NHSL2: variants seen among roughly 807,000 people sequenced by gnomAD.
NHSL2 encodes the protein NHS-like protein 2.
NHSL2 carries 27 observed loss-of-function variants against 53.4 expected under a neutral mutation model. The ratio of observed to expected loss-of-function variants is 0.51; its 90% CI spans 0.37 to 0.70. The LOEUF (loss-of-function observed/expected upper bound fraction) is 0.70. Ranked by LOEUF, NHSL2 falls within the 30% of genes least tolerant of loss-of-function variation. NHSL2 has a pLI of 0.00. For missense variants in NHSL2, 892 were observed against 980.1 expected (o/e 0.91, Z 1.20); for synonymous variants, 408 against 404.1 (o/e 1.01, Z -0.12).
chrX:72,087,971 G>A (rs1412266277), intron 1 of NHSL2, among the ~76,000 whole-genome samples: 1 of 100,554 alleles, frequency 9.9e-6, no homozygotes, highest in Non-Finnish European at 2.2e-5. Flanking sequence ...TTGGGAGGCC[G>A]AGGCGGGCTG....
At position 71,978,483 on chromosome X, in the gene NHSL2, C is replaced by T. The variant is rs1019817108; in HGVS notation, c.280+67116C>T. Among the ~76,000 whole-genome samples, 9 of 112,265 alleles carry T rather than the reference C, an allele frequency of 8.0e-5. No homozygotes were observed. The Admixed American group carries it at 8.5e-4, about 11-fold the overall frequency. On this transcript the variant is annotated intron_variant, in intron 1 of 7. Transcript: ENST00000633930. ...CCCAAAAAGCCACTCGCTATAGGTC[C>T]TTAACCTCATTCTGCATAGGACTAG...
chrX:72,074,220 A>G (rs1463433146), intron 1 of NHSL2, among the ~76,000 whole-genome samples: 2 of 112,448 alleles, frequency 1.8e-5, no homozygotes, highest in Non-Finnish European at 3.8e-5. Context: ...CTGTACCTAA[A>G]CAAAATGAGG....
At chrX:71,960,616 C>G (rs2147848740) in intron 1 of NHSL2, among the ~76,000 whole-genome samples, 1 of 112,448 alleles carries the variant, frequency 8.9e-6, no homozygotes, top group Admixed American at 9.4e-5. Flanking sequence ...GTTGTCCCAG[C>G]ACCATTTGTT....
At chrX:72,063,772 A>G (rs755318599) in intron 1 of NHSL2, among the ~76,000 whole-genome samples, 1 of 111,048 alleles carries the variant, frequency 9.0e-6, no homozygotes, top group Middle Eastern at 4.6e-3. Flanking sequence ...ATTCCTCATC[A>G]TACTATCACC....
intron 6 of NHSL2, 106 bp from the exon 7 acceptor site, chrX:72,142,126 C>A: frequency 3.5e-6 from 2 of 571,488 alleles, no homozygotes; most frequent in Non-Finnish European, 5.4e-6. Context: ...CTCCACCCTG[C>A]TGCCCTCACA....
intron 1 of NHSL2, among the ~76,000 whole-genome samples, chrX:72,063,433 G>T (rs1327322790): frequency 8.9e-6 from 1 of 111,841 alleles, no homozygotes; most frequent in East Asian, 2.8e-4. Flanking sequence ...GTTGATGAAT[G>T]ATCACAAATT....
intron 1 of NHSL2, among the ~76,000 whole-genome samples, chrX:71,930,984 T>C (rs2041710176): frequency 8.9e-6 from 1 of 112,399 alleles, no homozygotes. Flanking sequence ...GACTGTTTTC[T>C]ACAGAGGCTG....
chrX:72,107,528 G>T (rs1421856562), intron 1 of NHSL2, among the ~76,000 whole-genome samples: 1 of 111,439 alleles, frequency 9.0e-6, no homozygotes, highest in Non-Finnish European at 1.9e-5. Context: ...GCTAAGCTGG[G>T]TGCTGAGGTT....
rs767553784 is a variant in NHSL2, at chrX:72,030,492, GTA to G, written c.281-101583_281-101582del. On this transcript the variant is annotated intron_variant, in intron 1 of 7. Transcript: ENST00000633930. ...TGTACATTTCAATGAAGTTGTATAT[GTA>G]TATGTGTGTGTGTGTGTGTGTATAC... Among the ~76,000 whole-genome samples, 437 of 110,430 alleles carry G rather than the reference GTA, an allele frequency of 4.0e-3. 2 individuals carry two copies. Among genetic ancestry groups the G allele is most frequent in the Middle Eastern group, 0.024 (5 of 212 alleles).
intron 1 of NHSL2, among the ~76,000 whole-genome samples, chrX:72,008,532 T>A (rs2042103475): frequency 8.9e-6 from 1 of 111,827 alleles, no homozygotes; most frequent in Non-Finnish European, 1.9e-5. Context: ...CTGGAGTTGT[T>A]CTGGAGTCAG....
intron 1 of NHSL2, among the ~76,000 whole-genome samples, chrX:72,042,485 C>T (rs1011176865): frequency 8.9e-6 from 1 of 111,737 alleles, no homozygotes; most frequent in East Asian, 2.8e-4. Context: ...CTCATGTCCA[C>T]TTCCTCTCTG....
At chrX:71,942,653 G>T (rs1226053111) in intron 1 of NHSL2, among the ~76,000 whole-genome samples, 1 of 112,502 alleles carries the variant, frequency 8.9e-6, no homozygotes, top group Non-Finnish European at 1.9e-5. Context: ...TTTTAGAAAA[G>T]GAAGTTTATT....
chrX:71,991,818 T>TTCTCTC (rs59851052), intron 1 of NHSL2, among the ~76,000 whole-genome samples: 1,073 of 99,813 alleles, frequency 0.011, 13 homozygotes, highest in African/African-American at 0.035. Flanking sequence ...GTCTTTCTCT[T>TTCTCTC]TCTCTCTCTC....
Position 71,959,950 on chromosome X carries a change from G to A in NHSL2, c.280+48583G>A, listed in dbSNP as rs192390342. 2.2e-4 allele frequency among the ~76,000 whole-genome samples: 25 copies of A among 111,750 alleles called. No homozygotes were observed. In the East Asian group the frequency reaches 6.7e-3, roughly 30 times the overall value. On this transcript the variant is annotated intron_variant, in intron 1 of 7. Coordinates refer to ENST00000633930, the MANE Select transcript of NHSL2 (RefSeq NM_001013627.3). ...TTTCTGGGTCATATGCTAACTCTAT[G>A]TTTAACCTTTTGAGGAACTGCCAGA...
chrX:71,987,913 C>T (rs2042010075), intron 1 of NHSL2, among the ~76,000 whole-genome samples: 1 of 112,027 alleles, frequency 8.9e-6, no homozygotes, highest in Non-Finnish European at 1.9e-5. Flanking sequence ...CTTGCAAAAG[C>T]TTTTAACTGC....
chrX:72,066,372 C>T (rs2042429527), intron 1 of NHSL2, among the ~76,000 whole-genome samples: 1 of 111,603 alleles, frequency 9.0e-6, no homozygotes, highest in Non-Finnish European at 1.9e-5. Flanking sequence ...GGTCCAAAAC[C>T]TGGCTGCACC....
intron 1 of NHSL2, among the ~76,000 whole-genome samples, chrX:71,972,031 TA>T (rs1357972514): frequency 8.9e-6 from 1 of 111,772 alleles, no homozygotes; most frequent in African/African-American, 3.3e-5. Flanking sequence ...GGAATGTCTT[TA>T]TTTTACTTTT....
chrX:72,069,528 GGA>G, intron 1 of NHSL2: 1 of 338,903 alleles, frequency 3.0e-6, no homozygotes, highest in Non-Finnish European at 4.8e-6. Context: ...AGTGGGATTT[GGA>G]AGAGCCATGT....
chrX:72,075,001 C>A (rs1169773500), intron 1 of NHSL2, among the ~76,000 whole-genome samples: 3 of 112,177 alleles, frequency 2.7e-5, no homozygotes, highest in African/African-American at 9.7e-5. Context: ...ACTGGGAAAT[C>A]ATTCTGTCAA....
Sources: gnomAD v4.1 joint callset for allele counts (sites outside exome capture counted in the v4.1 genomes callset) on GRCh38, gnomAD v4.1.1 for gene constraint, MANE v1.5 for transcripts, NCBI Gene and HGNC (gene_info 2026-07-23, HGNC 2026-07-21) for gene names.